Variants in GAREM1 observed in about 807,000 individuals in gnomAD.
The protein encoded by GAREM1 is GRB2 associated regulator of MAPK1 subtype 1.
GAREM1 carries 26 observed loss-of-function variants against 71.3 expected under a neutral mutation model. The observed-to-expected ratio is 0.36, with a 90% CI of 0.27 to 0.51. GAREM1 has a LOEUF of 0.51. GAREM1 is among the 20% of genes least tolerant of loss of function. The pLI, the probability that GAREM1 is intolerant of heterozygous loss-of-function variation, is 0.95. For missense variants in GAREM1, 1,026 were observed against 1,103.1 expected (o/e 0.93, Z 0.99); for synonymous variants, 440 against 433.2 (o/e 1.02, Z -0.20).
rs1241314052 is a variant in GAREM1 at position 32,287,313 on chromosome 18, ATCT to A, written c.1281_1283del (p.Asp428del). 7 of 1,614,154 alleles carry A rather than the reference ATCT, an allele frequency of 4.3e-6. No homozygotes were observed. The highest frequency in any genetic ancestry group is 3.3e-5 in the Admixed American group (2 of 60,022). ...CTGGGAAAAGGTAGTCGCTCCCACTATCTCCAGAGTCCTGATAGGGCAGGATGT... is the reference window on the plus strand; with the variant it reads ...CTGGGAAAAGGTAGTCGCTCCCACTACCAGAGTCCTGATAGGGCAGGATGT... On this transcript the variant is annotated inframe_deletion, in exon 4 of 6. Coordinates refer to ENST00000269209, the MANE Select transcript of GAREM1 (RefSeq NM_001242409.2). This position sits in a 1 kb window ranked among gnomAD's most constrained non-coding sequence, Gnocchi z 5.9.
At chr18:32,323,605 A>G (rs1042761356) in intron 2 of GAREM1, among the ~76,000 whole-genome samples, 2 of 152,142 alleles carry the variant, frequency 1.3e-5, no homozygotes, top group Non-Finnish European at 2.9e-5. Context: ...GATACTTGAG[A>G]GGCTGATACA....
chr18:32,371,732 A>G (rs1021463882), intron 2 of GAREM1, among the ~76,000 whole-genome samples: 1 of 152,132 alleles, frequency 6.6e-6, no homozygotes, highest in African/African-American at 2.4e-5. Flanking sequence ...AAGTACCACA[A>G]GGAGGGTGGC....
intron 3 of GAREM1, among the ~76,000 whole-genome samples, 191 bp from the exon 4 acceptor site, chr18:32,288,394 T>C (rs1190099015): frequency 6.6e-6 from 1 of 152,202 alleles, no homozygotes; most frequent in Non-Finnish European, 1.5e-5. Context: ...TTCAAGATGA[T>C]ATTAGTTTAG....
intron 3 of GAREM1, among the ~76,000 whole-genome samples, chr18:32,304,168 A>T (rs948982941): frequency 1.3e-5 from 2 of 151,184 alleles, no homozygotes; most frequent in Admixed American, 1.3e-4. Context: ...TTAGCCAGGC[A>T]TGGTGGTGCG....
chr18:32,338,659 T>C (rs545128145), intron 2 of GAREM1, among the ~76,000 whole-genome samples: 2 of 152,186 alleles, frequency 1.3e-5, no homozygotes, highest in Non-Finnish European at 2.9e-5. Flanking sequence ...CACTTGACAT[T>C]TAAGCTCGAG....
In GAREM1 at chr18:32,287,498, G is replaced by C. The variant is rs777789766; in HGVS notation, c.1099C>G (p.His367Asp). 1 of 1,614,220 alleles carries C rather than the reference G, an allele frequency of 6.2e-7. No individual in the cohort carries two copies. Among genetic ancestry groups the C allele is most frequent in the Non-Finnish European group, 8.5e-7 (1 of 1,180,040 alleles). The change falls in exon 4 of 6, where the codon CAC becomes GAC. Residue 367 changes from histidine (H) to aspartate (D), a missense_variant. Around this residue, in one of 3 missense-constraint regions of GAREM1, gnomAD observed 636 missense variants for 631.2 expected, o/e 1.01. Coordinates refer to ENST00000269209, the MANE Select transcript of GAREM1 (RefSeq NM_001242409.2). This position sits in a 1 kb window ranked among gnomAD's most constrained non-coding sequence, Gnocchi z 5.9. ...GCGTAGCTGAGCGAATTGGGCACGT[G>C]GTTGTGGCCAGAGCACCGACCCTTC... ...PKKGRCSGHN[H>D]VPNSLSYARD... is the part of the protein sequence containing the mutation.
chr18:32,396,747 G>A (rs2048261136), intron 1 of GAREM1, among the ~76,000 whole-genome samples: 1 of 152,196 alleles, frequency 6.6e-6, no homozygotes, highest in African/African-American at 2.4e-5. Flanking sequence ...ATATTATCCA[G>A]GAGAACTTCC....
intron 2 of GAREM1, among the ~76,000 whole-genome samples, chr18:32,358,560 C>T (rs933468002): frequency 3.9e-5 from 6 of 152,294 alleles, no homozygotes; most frequent in South Asian, 4.1e-4. Flanking sequence ...TCCCTCAGTA[C>T]ATAATTAATT....
chr18:32,343,938 C>T (rs1191275202), intron 2 of GAREM1, among the ~76,000 whole-genome samples: 1 of 152,128 alleles, frequency 6.6e-6, no homozygotes, highest in African/African-American at 2.4e-5. Flanking sequence ...GCTCCTTTCC[C>T]CCACAAGCCT....
intron 2 of GAREM1, among the ~76,000 whole-genome samples, chr18:32,345,853 C>G (rs1399197344): frequency 6.6e-6 from 1 of 152,090 alleles, no homozygotes; most frequent in Non-Finnish European, 1.5e-5. Flanking sequence ...TCTTGACGGT[C>G]TAAACAGTAA....
Position 32,268,137 on chromosome 18 carries a change from G to T in GAREM1, c.2365C>A (p.Leu789Ile). ...CCACAGGATCTGGGGGCCAGCTGGA[G>T]ATGGAGCGGAGATGAGAAAGGGTAG... is the stretch of plus-strand genomic sequence containing the variant. ...ASYPFSSPLH[L>I]QLAPRSCGDG... Residue 789 changes from leucine (L) to isoleucine (I), a missense_variant, in exon 6 of 6, where the codon CTC (leucine) becomes ATC (isoleucine). Physicochemically the swap from Leu to Ile is conservative, Grantham distance 5 (BLOSUM62 2). Transcript: ENST00000269209. 6.2e-7 allele frequency: 1 copy of T among 1,614,170 alleles called. No individual in the cohort carries two copies. The highest frequency in any genetic ancestry group is 8.5e-7 in the Non-Finnish European group (1 of 1,180,040).
intron 1 of GAREM1, among the ~76,000 whole-genome samples, chr18:32,429,324 G>GCAA (rs1366589490): frequency 6.6e-6 from 1 of 151,942 alleles, no homozygotes; most frequent in Non-Finnish European, 1.5e-5. Context: ...TGATCCTTTG[G>GCAA]CAAGGGATCC....
intron 2 of GAREM1, among the ~76,000 whole-genome samples, chr18:32,382,069 G>C (rs376957865): frequency 9.2e-5 from 14 of 152,288 alleles, no homozygotes; most frequent in East Asian, 7.7e-4. Context: ...TTGTTCTCCA[G>C]GTAGTTCTCA....
At chr18:32,284,970 C>T (rs1310325770) in intron 4 of GAREM1, among the ~76,000 whole-genome samples, 3 of 151,884 alleles carry the variant, frequency 2.0e-5, no homozygotes, top group South Asian at 2.1e-4. Context: ...AGGATGGTCT[C>T]GATCTCCTGA....
chr18:32,290,990 A>G (rs574322164), intron 3 of GAREM1, among the ~76,000 whole-genome samples: 3 of 152,352 alleles, frequency 2.0e-5, no homozygotes, highest in Admixed American at 6.5e-5. Context: ...CTAGGAATTT[A>G]CCCTGAAGAC....
chr18:32,343,805 A>G (rs1455718593), intron 2 of GAREM1, among the ~76,000 whole-genome samples: 1 of 152,170 alleles, frequency 6.6e-6, no homozygotes, highest in Non-Finnish European at 1.5e-5. Flanking sequence ...GAGCAGTCAG[A>G]ATGGACATCT....
In GAREM1 at chr18:32,268,097, C is replaced by CATGGCG; in HGVS notation, c.2404_2405insCGCCAT (p.Ser800_Pro801dup). ...TCCTGATAGGTCAGCAGGTGGCTGC[C>CATGGCG]ATGGGGAACCGTCGCCACAGGATCT... On this transcript the variant is annotated inframe_insertion, in exon 6 of 6. Transcript: ENST00000269209. 6.2e-7 allele frequency: 1 copy of CATGGCG among 1,614,092 alleles called. No individual in the cohort carries two copies. The highest frequency in any genetic ancestry group is 8.5e-7 in the Non-Finnish European group (1 of 1,180,010).
chr18:32,438,838 T>G (rs2048707479), intron 1 of GAREM1, among the ~76,000 whole-genome samples: 1 of 152,020 alleles, frequency 6.6e-6, no homozygotes, highest in Non-Finnish European at 1.5e-5. Context: ...CCCCTCAAGG[T>G]GACAAATTTG....
At chr18:32,272,225 GC>G (rs1486307201) in intron 4 of GAREM1, among the ~76,000 whole-genome samples, 1 of 152,198 alleles carries the variant, frequency 6.6e-6, no homozygotes, top group Non-Finnish European at 1.5e-5. Context: ...TGATTCACTT[GC>G]CAGAGAAAAC....
Sources: allele counts gnomAD v4.1 joint callset (sites outside exome capture counted in the v4.1 genomes callset), GRCh38; gene constraint gnomAD v4.1.1; regional missense constraint gnomAD v4.1.1; non-coding constraint Gnocchi (gnomAD v3.1); transcripts MANE v1.5; gene names NCBI Gene and HGNC (gene_info 2026-07-23, HGNC 2026-07-21).